Variants in RBM41 observed in about 807,000 individuals in gnomAD.
RBM41 encodes the protein RNA-binding protein 41.
A neutral mutation model predicts 30.8 loss-of-function variants in RBM41; 14 were observed. The ratio of observed to expected loss-of-function variants is 0.45; its 90% CI spans 0.30 to 0.71. The LOEUF (loss-of-function observed/expected upper bound fraction) is 0.71. Among genes scored for constraint, RBM41 ranks in the 30% least tolerant of loss-of-function variants. The pLI is 0.08. For missense variants in RBM41, 276 were observed against 326.3 expected, an observed-to-expected ratio of 0.85 and a Z score of 1.19; for synonymous variants, 120 against 110.1, an observed-to-expected ratio of 1.09 and a Z score of -0.56.
intron 6 of RBM41, among the ~76,000 whole-genome samples, chrX:107,082,087 CTTAT>C (rs1446947743): frequency 9.0e-6 from 1 of 111,577 alleles, no homozygotes; most frequent in African/African-American, 3.3e-5. Context: ...ACATTTTTGC[CTTAT>C]TTCTCATCAA....
chrX:107,066,650 C>A lies in RBM41; in HGVS notation c.*877G>T. Reference sequence around the variant, plus strand: ...TAAGTGTGGCTGTACAGGTCTGACTCCAGTTTGTACTACTTCCTCTCTGTA... The same window carrying A: ...TAAGTGTGGCTGTACAGGTCTGACTACAGTTTGTACTACTTCCTCTCTGTA... On this transcript the variant is annotated 3_prime_UTR_variant, in exon 8 of 8. Transcript: ENST00000685964. The A allele has an allele frequency of 1.4e-6, 1 of 704,757 alleles. No individual in the cohort carries two copies. The highest frequency in any genetic ancestry group is 2.4e-5 in the African/African-American group (1 of 42,427). 58.1% of individuals were successfully genotyped at this position (704,757 alleles called of 1,213,427 possible). A position where few individuals can be genotyped will look rare whatever the true frequency, so the allele number is the denominator to read the frequency against.
chrX:107,112,165 C>A (rs954828158), intron 5 of RBM41, among the ~76,000 whole-genome samples: 5 of 111,346 alleles, frequency 4.5e-5, no homozygotes, highest in African/African-American at 1.6e-4. Context: ...TTAGAATATA[C>A]AAAGAACTCT....
chrX:107,078,140 G>A (rs924720596), intron 6 of RBM41, among the ~76,000 whole-genome samples: 1 of 111,606 alleles, frequency 9.0e-6, no homozygotes, highest in African/African-American at 3.3e-5. Flanking sequence ...ATAATGTTAA[G>A]CATACACACA....
At chrX:107,056,267 T>C in the RBM41 span, among the ~76,000 whole-genome samples, 3 of 112,173 alleles carry the variant, frequency 2.7e-5, no homozygotes, top group Non-Finnish European at 5.6e-5. Context: ...ATAATGCTTT[T>C]AATACGCTGT....
intron 5 of RBM41, among the ~76,000 whole-genome samples, chrX:107,104,941 C>T (rs1334796836): frequency 9.0e-6 from 1 of 110,579 alleles, no homozygotes; most frequent in East Asian, 2.9e-4. Context: ...GGAAGCATTC[C>T]CTTTGAAAAC....
At chrX:107,090,685 T>G (rs1922452989) in intron 5 of RBM41, among the ~76,000 whole-genome samples, 1 of 111,791 alleles carries the variant, frequency 8.9e-6, no homozygotes, top group African/African-American at 3.3e-5. Context: ...GTTGCTGGTG[T>G]GTGCAGAAGC....
chrX:107,088,697 T>C lies in RBM41; in HGVS notation c.738A>G (p.Thr246=). The change falls in exon 6 of 8, where the codon ACA becomes ACG. Residue 246 remains threonine, a synonymous_variant. Transcript: ENST00000685964. ...PFASHSLVSA[T]SVGDSGTAES... is the part of the protein sequence containing the mutation. ...CAGCTGTGCCACTATCACCCACTGA[T>C]GTAGCTGAGACCAGTGAGTGGGAAG... The C allele has an allele frequency of 8.3e-7, 1 of 1,211,778 alleles. No homozygotes were observed. The highest frequency in any genetic ancestry group is 1.1e-6 in the Non-Finnish European group (1 of 895,548).
intron 5 of RBM41, among the ~76,000 whole-genome samples, chrX:107,109,378 G>A (rs1233563730): frequency 9.0e-6 from 1 of 111,313 alleles, no homozygotes; most frequent in African/African-American, 3.3e-5. Context: ...CACACTTTAG[G>A]TTCAAAAACA....
chrX:107,094,023 C>G (rs1004834600), intron 5 of RBM41, among the ~76,000 whole-genome samples: 1 of 111,397 alleles, frequency 9.0e-6, no homozygotes, highest in Admixed American at 9.5e-5. Flanking sequence ...TACAAATTAC[C>G]AAAGCAGTCT....
chrX:107,070,425 C>T (rs781227285), intron 6 of RBM41: 2 of 304,505 alleles, frequency 6.6e-6, no homozygotes, highest in Admixed American at 7.4e-5. Context: ...ACTGGTAAGT[C>T]CTAGGAGGAA....
At position 107,066,207 on chromosome X, in the gene RBM41, A is replaced by G. The variant is rs1462759200; in HGVS notation, c.*1320T>C. 1 of 111,960 alleles carries G rather than the reference A, an allele frequency of 8.9e-6. No homozygotes were observed. Among genetic ancestry groups the G allele is most frequent in the Non-Finnish European group, 1.9e-5 (1 of 53,267 alleles). 9.2% of individuals were successfully genotyped at this position (111,960 alleles called of 1,213,427 possible). ...CTAATTTTATTTGGGTTCCTTGGTA[A>G]GTGATGGCTCATTTTTCTCGTATTG... On this transcript the variant is annotated 3_prime_UTR_variant, in exon 8 of 8. Coordinates refer to ENST00000685964, the MANE Select transcript of RBM41 (RefSeq NM_001324242.2).
chrX:107,066,739 C>CT lies in RBM41; in HGVS notation c.*787dup. ...CTGGGGGATTTGTGACTGGCATCCT[C>CT]TTTTCTAGAGAACGCTTTATTTCCA... On this transcript the variant is annotated 3_prime_UTR_variant, in exon 8 of 8. Coordinates refer to ENST00000685964, the MANE Select transcript of RBM41 (RefSeq NM_001324242.2). The CT allele has an allele frequency of 6.6e-6, 5 of 752,827 alleles. No homozygotes were observed. Among genetic ancestry groups the CT allele is most frequent in the Non-Finnish European group, 7.8e-6 (5 of 638,134 alleles). 62.0% of individuals were successfully genotyped at this position (752,827 alleles called of 1,213,427 possible).
intron 5 of RBM41, among the ~76,000 whole-genome samples, chrX:107,102,059 G>C (rs141154728): frequency 4.6e-3 from 513 of 111,413 alleles, no homozygotes; most frequent in Middle Eastern, 9.2e-3. Flanking sequence ...ACGTAATCAT[G>C]AACAAAATGT....
rs190635008 is a variant in RBM41, at chrX:107,111,133, C to T, written c.595+2264G>A. Among the ~76,000 whole-genome samples, 626 of 111,183 alleles carry T rather than the reference C, an allele frequency of 5.6e-3. 6 individuals carry two copies. Among genetic ancestry groups the T allele is most frequent in the African/African-American group, 0.019 (584 of 30,750 alleles). ...TTCTTGGAATAGGAGAAAATATTTG[C>T]AAGTCATATATCTTATAAGGAATTA... On this transcript the variant is annotated intron_variant, in intron 5 of 7. Transcript: ENST00000685964.
chrX:107,057,679 CTATT>C (rs775720681), downstream of RBM41, among the ~76,000 whole-genome samples: 4 of 111,864 alleles, frequency 3.6e-5, no homozygotes, highest in Non-Finnish European at 5.6e-5. Context: ...TTTAAGTACT[CTATT>C]TACTTCAAAA....
intron 5 of RBM41, among the ~76,000 whole-genome samples, chrX:107,099,332 A>G (rs913015421): frequency 7.2e-5 from 8 of 111,477 alleles, no homozygotes; most frequent in African/African-American, 2.3e-4. Flanking sequence ...GAGATGTGCT[A>G]TATCTTAGTG....
At chrX:107,077,427 C>T (rs1176822084) in intron 6 of RBM41, among the ~76,000 whole-genome samples, 1 of 111,403 alleles carries the variant, frequency 9.0e-6, no homozygotes, top group Non-Finnish European at 1.9e-5. Context: ...GCCACCGCAC[C>T]TGGCCAATAT....
At chrX:107,100,680 A>G (rs1463357381) in intron 5 of RBM41, among the ~76,000 whole-genome samples, 1 of 111,398 alleles carries the variant, frequency 9.0e-6, no homozygotes, top group Non-Finnish European at 1.9e-5. Flanking sequence ...GAATCCCTTC[A>G]GAAATTAGTT....
At chrX:107,073,595 C>T (rs1372027809) in intron 6 of RBM41, among the ~76,000 whole-genome samples, 1 of 111,575 alleles carries the variant, frequency 9.0e-6, no homozygotes, top group East Asian at 2.8e-4. Flanking sequence ...CCTCAACAAA[C>T]TACAAATAGA....
Sources: allele counts gnomAD v4.1 joint callset (sites outside exome capture counted in the v4.1 genomes callset), GRCh38; gene constraint gnomAD v4.1.1; transcripts MANE v1.5; gene names NCBI Gene and HGNC (gene_info 2026-07-23, HGNC 2026-07-21).